The following PDE4B variants were observed in gnomAD, a reference collection of about 807,000 sequenced individuals.
The protein encoded by PDE4B is 3',5'-cyclic-AMP phosphodiesterase 4B.
Under a neutral mutation model 82.2 loss-of-function variants are expected in PDE4B, and 20 were observed. That is an observed-to-expected ratio of 0.24 (90% confidence interval 0.17 to 0.35). The LOEUF is 0.35. PDE4B is among the 10% of genes least tolerant of loss of function. The probability of loss-of-function intolerance (pLI) is 1.00; values close to 1 mark genes in which losing one functional copy is unlikely to be tolerated. For missense variants in PDE4B, 655 were observed against 907.2 expected (o/e 0.72, Z 3.57); for synonymous variants, 320 against 318.9 (o/e 1.00, Z -0.04).
At chr1:66,084,413 TAA>T (rs1656898511) in intron 3 of PDE4B, among the ~76,000 whole-genome samples, 1 of 152,088 alleles carries the variant, frequency 6.6e-6, no homozygotes, top group African/African-American at 2.4e-5. Context: ...GGAAATTGAG[TAA>T]AGTCGTGAAC....
rs997788448 is a variant in PDE4B at position 66,373,784 on chromosome 1, T to C, written c.*1106T>C. ...CGACTTTTTCTTGTAATGTTTTGTA[T>C]TGTGTATTATATAACCCAAACGTCA... On this transcript the variant is annotated 3_prime_UTR_variant, in exon 17 of 17. Coordinates refer to ENST00000341517, the MANE Select transcript of PDE4B (RefSeq NM_002600.4). 4 of 152,520 alleles carry C rather than the reference T, an allele frequency of 2.6e-5. No individual in the cohort carries two copies. The highest frequency in any genetic ancestry group is 6.5e-5 in the Admixed American group (1 of 15,284). 9.4% of individuals were successfully genotyped at this position (152,520 alleles called of 1,614,324 possible). A position where few individuals can be genotyped will look rare whatever the true frequency, so the allele number is the denominator to read the frequency against.
At chr1:65,843,172 TGAA>T (rs1385907809) in intron 1 of PDE4B, among the ~76,000 whole-genome samples, 1 of 152,090 alleles carries the variant, frequency 6.6e-6, no homozygotes, top group Non-Finnish European at 1.5e-5. Flanking sequence ...TGAGGAATTA[TGAA>T]GAAAAGAGGT....
intron 3 of PDE4B, among the ~76,000 whole-genome samples, chr1:66,005,474 A>G (rs1259350449): frequency 6.6e-6 from 1 of 152,182 alleles, no homozygotes; most frequent in Admixed American, 6.5e-5. Context: ...CTGCTTTGAG[A>G]AAGTTTTCCT....
In PDE4B at chr1:66,229,155, C is replaced by T. The variant is rs371069459; in HGVS notation, c.282-18305C>T. 3.5e-5 allele frequency among the ~76,000 whole-genome samples: 5 copies of T among 144,688 alleles called. No individual in the cohort carries two copies. In the East Asian group the frequency reaches 1.0e-3, roughly 29 times the overall value. The allele number at this position is 144,688 out of a possible 152,430, so 94.9% of individuals were successfully genotyped here. A position where few individuals can be genotyped will look rare whatever the true frequency, so the allele number is the denominator to read the frequency against. On this transcript the variant is annotated intron_variant, in intron 3 of 16. Transcript: ENST00000341517. ...CCTGAGTAGCTAGGATTACAGGCGC[C>T]CACCACCATGCCCGGCTAATTTTTT...
chr1:66,131,597 A>ATATATATATG (rs1424507236), intron 3 of PDE4B, among the ~76,000 whole-genome samples: 5 of 60,746 alleles, frequency 8.2e-5, no homozygotes, highest in Admixed American at 5.0e-4. Flanking sequence ...TGCCAGATAT[A>ATATATATATG]TATATATATA....
chr1:65,803,154 T>C (rs1645716252), intron 1 of PDE4B, among the ~76,000 whole-genome samples: 1 of 152,168 alleles, frequency 6.6e-6, no homozygotes, highest in South Asian at 2.1e-4. Context: ...TCCTTCATAA[T>C]TGAAGGTTTA....
At chr1:66,038,393 T>A (rs961082162) in intron 3 of PDE4B, among the ~76,000 whole-genome samples, 8 of 151,952 alleles carry the variant, frequency 5.3e-5, no homozygotes, top group African/African-American at 1.9e-4. Flanking sequence ...TTATGCAGAG[T>A]GTAGAATCAG....
intron 3 of PDE4B, among the ~76,000 whole-genome samples, chr1:65,987,138 G>A (rs559659994): frequency 2.0e-5 from 3 of 152,198 alleles, no homozygotes; most frequent in East Asian, 3.9e-4. Flanking sequence ...AGGTGATGAG[G>A]TGTCATTGGA....
At chr1:65,907,031 A>C (rs753440647) in intron 1 of PDE4B, among the ~76,000 whole-genome samples, 8 of 152,136 alleles carry the variant, frequency 5.3e-5, no homozygotes, top group Non-Finnish European at 2.9e-5. Context: ...TCTCCAAGCA[A>C]TGTTTGTGTC....
chr1:66,372,333 TG>T lies in PDE4B; in HGVS notation c.1867del (p.Val623SerfsTer23). Reference protein sequence around the residue: ...KSQVGFIDYIVHPLWETWADL... With the variant: ...KSQVGFIDYIXHPLWETWADL... ...TCCAGGTTGGTTTCATCGACTACAT[TG>T]TCCATCCATTGTGGGAGACATGGGC... On this transcript the variant is annotated frameshift_variant, in exon 17 of 17. Coordinates refer to ENST00000341517, the MANE Select transcript of PDE4B (RefSeq NM_002600.4). LOFTEE classifies it high-confidence loss of function. The T allele has an allele frequency of 6.2e-7, 1 of 1,611,440 alleles. No individual in the cohort carries two copies. Among genetic ancestry groups the T allele is most frequent in the Non-Finnish European group, 8.5e-7 (1 of 1,177,868 alleles).
chr1:66,032,374 A>G (rs1653826575), intron 3 of PDE4B, among the ~76,000 whole-genome samples: 1 of 152,182 alleles, frequency 6.6e-6, no homozygotes, highest in Non-Finnish European at 1.5e-5. Context: ...AGGAGGCTAT[A>G]GTTTATGCTT....
chr1:66,022,810 A>G (rs1241665916), intron 3 of PDE4B, among the ~76,000 whole-genome samples: 1 of 152,166 alleles, frequency 6.6e-6, no homozygotes, highest in Non-Finnish European at 1.5e-5. Context: ...TATCAGGATG[A>G]TGCTGGCCTC....
intron 3 of PDE4B, among the ~76,000 whole-genome samples, chr1:66,027,100 C>A (rs1653479025): frequency 1.3e-5 from 2 of 152,098 alleles, no homozygotes; most frequent in Non-Finnish European, 2.9e-5. Flanking sequence ...CTACTAAAAT[C>A]TAAAAATATG....
intron 3 of PDE4B, among the ~76,000 whole-genome samples, chr1:66,203,950 GCT>G (rs1649285285): frequency 6.6e-6 from 1 of 152,136 alleles, no homozygotes; most frequent in Non-Finnish European, 1.5e-5. Flanking sequence ...CAGTTTTTCT[GCT>G]CTGTTTTTTC....
At chr1:66,256,516 C>T (rs1009317769) in intron 4 of PDE4B, among the ~76,000 whole-genome samples, 1 of 152,124 alleles carries the variant, frequency 6.6e-6, no homozygotes, top group Non-Finnish European at 1.5e-5. Context: ...ACAGAAGACA[C>T]TTGCCAGATT....
intron 1 of PDE4B, among the ~76,000 whole-genome samples, chr1:65,795,141 G>C (rs914979583): frequency 6.6e-6 from 1 of 152,104 alleles, no homozygotes; most frequent in Non-Finnish European, 1.5e-5. Flanking sequence ...ACAAATAAAG[G>C]CTTGTTTGAT....
intron 7 of PDE4B, among the ~76,000 whole-genome samples, chr1:66,277,553 G>A (rs557909): frequency 0.067 from 10,225 of 151,972 alleles, 1,102 homozygotes; most frequent in African/African-American, 0.23. Context: ...GCGCCACCAC[G>A]CCAGGCTAAT....
At chr1:66,033,219 G>GCC in intron 3 of PDE4B, among the ~76,000 whole-genome samples, 5 of 152,104 alleles carry the variant, frequency 3.3e-5, no homozygotes, top group Non-Finnish European at 7.4e-5. Context: ...ATCCCTAGAA[G>GCC]TCACTTTAAT....
intron 3 of PDE4B, among the ~76,000 whole-genome samples, chr1:66,236,262 C>T (rs1462206317): frequency 6.6e-6 from 1 of 152,064 alleles, no homozygotes; most frequent in African/African-American, 2.4e-5. Context: ...CAATATTTTA[C>T]CGCTTTATCT....
Sources: allele counts gnomAD v4.1 joint callset (sites outside exome capture counted in the v4.1 genomes callset), GRCh38; gene constraint gnomAD v4.1.1; transcripts MANE v1.5; gene names NCBI Gene and HGNC (gene_info 2026-07-23, HGNC 2026-07-21).